Variants in PPP1R9A observed in about 807,000 individuals in gnomAD.
PPP1R9A encodes the protein protein phosphatase 1 regulatory subunit 9A, also known as neurabin-1.
Under a neutral mutation model 141.9 loss-of-function variants are expected in PPP1R9A, and 59 were observed. The ratio of observed to expected loss-of-function variants is 0.42; its 90% confidence interval spans 0.34 to 0.52. The LOEUF (loss-of-function observed/expected upper bound fraction) is 0.52. PPP1R9A is among the 20% of genes least tolerant of loss of function. The probability of loss-of-function intolerance (pLI) is 0.10; values close to 1 mark genes in which losing one functional copy is unlikely to be tolerated. For missense variants in PPP1R9A, 1,444 were observed against 1,611.9 expected (o/e 0.90, Z 1.78); for synonymous variants, 500 against 569.7 (o/e 0.88, Z 1.74).
At chr7:95,172,242 C>T (rs1832228913) in intron 5 of PPP1R9A, among the ~76,000 whole-genome samples, 1 of 151,554 alleles carries the variant, frequency 6.6e-6, no homozygotes, top group Non-Finnish European at 1.5e-5. Flanking sequence ...GTACCAGAGG[C>T]CATAGCTAAT....
chr7:95,203,524 C>G, intron 6 of PPP1R9A, 141 bp from the exon 7 acceptor site: 1 of 518,224 alleles, frequency 1.9e-6, no homozygotes, highest in Non-Finnish European at 3.3e-6. Flanking sequence ...CATTTTTTAC[C>G]AACATGCCGC....
At chr7:95,047,648 C>T (rs2151961218) in intron 2 of PPP1R9A, among the ~76,000 whole-genome samples, 1 of 152,238 alleles carries the variant, frequency 6.6e-6, no homozygotes, top group East Asian at 1.9e-4. Context: ...TTCTTGATTT[C>T]ACCAGATTAT....
intron 19 of PPP1R9A, among the ~76,000 whole-genome samples, chr7:95,288,967 C>G (rs1054644265): frequency 6.6e-6 from 1 of 152,126 alleles, no homozygotes; most frequent in African/African-American, 2.4e-5. Flanking sequence ...TTCCACCTGG[C>G]AACACATGGT....
chr7:95,145,511 G>A (rs1364608829), intron 4 of PPP1R9A, among the ~76,000 whole-genome samples: 4 of 152,164 alleles, frequency 2.6e-5, no homozygotes, highest in Non-Finnish European at 5.9e-5. Context: ...AAAAAAAGTA[G>A]CAAATATTGT....
intron 4 of PPP1R9A, among the ~76,000 whole-genome samples, chr7:95,133,513 TTATATATATATA>T (rs10570222): frequency 3.5e-4 from 46 of 132,674 alleles, no homozygotes; most frequent in Admixed American, 1.1e-3. Context: ...TGCAGTCGTA[TTATATATATATA>T]TATATATATA....
intron 2 of PPP1R9A, among the ~76,000 whole-genome samples, chr7:94,997,122 T>C (rs1444798795): frequency 6.6e-6 from 1 of 152,144 alleles, no homozygotes; most frequent in African/African-American, 2.4e-5. Context: ...TGTATGTTTT[T>C]GGTCTCTAAA....
chr7:94,930,276 G>A (rs1016809194), intron 2 of PPP1R9A, among the ~76,000 whole-genome samples: 3 of 152,160 alleles, frequency 2.0e-5, no homozygotes, highest in African/African-American at 4.8e-5. Context: ...GAGAAATAGC[G>A]CTTCAGAGAA....
rs1246887602 is a variant in PPP1R9A at position 95,169,605 on chromosome 7, T to A, written c.1754+7634T>A. 3.3e-5 allele frequency among the ~76,000 whole-genome samples: 5 copies of A among 152,026 alleles called. No homozygotes were observed. The South Asian group carries it at 1.0e-3, about 31-fold the overall frequency. On this transcript the variant is annotated intron_variant, in intron 5 of 19. Coordinates refer to ENST00000433360, the MANE Select transcript of PPP1R9A (RefSeq NM_001166160.2). ...ACTCCAGATACCCTGATTTGGTCAT[T>A]ATACAGTATAGCATGTAAGAAAATG...
At chr7:95,233,911 G>T (rs1009218837) in intron 8 of PPP1R9A, among the ~76,000 whole-genome samples, 9 of 152,084 alleles carry the variant, frequency 5.9e-5, no homozygotes, top group Non-Finnish European at 1.2e-4. Context: ...CACATAAACA[G>T]AATTAAAATT....
chr7:94,914,002 T>C lies in PPP1R9A; in HGVS notation c.1395+2494T>C, dbSNP rs551912041. 6.6e-5 allele frequency among the ~76,000 whole-genome samples: 10 copies of C among 152,306 alleles called. No individual in the cohort carries two copies. In the South Asian group the frequency reaches 2.1e-3, roughly 32 times the overall value. On this transcript the variant is annotated intron_variant, in intron 2 of 19. Transcript: ENST00000433360. ...CATATAGTGAAAGGGATTTGATAGA[T>C]TATTTGGAAAGGAATACATGCAACC...
rs748369962 is a variant in PPP1R9A at position 94,910,384 on chromosome 7, G to A, written c.271G>A (p.Gly91Ser). ...AAVIAKTRGK[G>S]GHSSPQRRMK... ...AGTCATTGCCAAAACAAGGGGGAAA[G>A]GTGGACATTCATCTCCTCAGAGAAG... The change falls in exon 2 of 20, where the codon GGT (glycine) becomes AGT (serine). Residue 91 changes from glycine (G) to serine (S), a missense_variant. By Grantham distance (56) the Gly-to-Ser change is moderately conservative. This residue lies in a region of PPP1R9A where 490 missense variants were observed against 521.1 expected (regional missense o/e 0.94). Transcript: ENST00000433360. The surrounding 1 kb of genome is among the most constrained non-coding windows in gnomAD (Gnocchi z 4.5). 1.2e-6 allele frequency: 2 copies of A among 1,614,102 alleles called. No individual in the cohort carries two copies. Among genetic ancestry groups the A allele is most frequent in the Non-Finnish European group, 1.7e-6 (2 of 1,180,034 alleles).
At chr7:94,970,610 A>G (rs568896486) in intron 2 of PPP1R9A, among the ~76,000 whole-genome samples, 104 of 140,586 alleles carry the variant, frequency 7.4e-4, no homozygotes, top group Non-Finnish European at 1.3e-3. Flanking sequence ...AGCTGTTCCT[A>G]TTTGACCATC....
intron 14 of PPP1R9A, among the ~76,000 whole-genome samples, chr7:95,271,191 C>T (rs1474367235): frequency 6.6e-6 from 1 of 152,148 alleles, no homozygotes; most frequent in Non-Finnish European, 1.5e-5. Context: ...AAAAGTGAGC[C>T]AGTAGGTTAA....
intron 2 of PPP1R9A, among the ~76,000 whole-genome samples, chr7:94,984,893 C>T (rs566294772): frequency 3.9e-5 from 6 of 152,060 alleles, no homozygotes; most frequent in Non-Finnish European, 8.8e-5. Context: ...TTTGTTTGCT[C>T]TTGCTTCTCT....
chr7:94,969,748 C>T lies in PPP1R9A; in HGVS notation c.1395+58240C>T, dbSNP rs151314323. Among the ~76,000 whole-genome samples the T allele has an allele frequency of 6.5e-3, 983 of 152,220 alleles. 13 individuals carry two copies. The highest frequency in any genetic ancestry group is 0.023 in the African/African-American group (938 of 41,538). ...AAGTCTGCTGAAGCTGCGCCCAGAG[C>T]CACCCTTTCCCCCAGGTGCTCTGTC... On this transcript the variant is annotated intron_variant, in intron 2 of 19. Transcript: ENST00000433360.
intron 5 of PPP1R9A, among the ~76,000 whole-genome samples, chr7:95,195,812 G>C (rs564031594): frequency 6.6e-6 from 1 of 152,148 alleles, no homozygotes; most frequent in Non-Finnish European, 1.5e-5. Context: ...GCACTTTGGG[G>C]GGCCAAAGTG....
In PPP1R9A at chr7:95,048,304, G is replaced by C. The variant is rs186965855; in HGVS notation, c.1396-62955G>C. 4.1e-4 allele frequency among the ~76,000 whole-genome samples: 63 copies of C among 152,068 alleles called. 1 individual carries two copies. The highest frequency in any genetic ancestry group is 1.5e-3 in the African/African-American group (61 of 41,492). ...ATTCAACAAAAAGTTACATAACAAA[G>C]TTTTAAGATAAACAGGATCAGATCA... On this transcript the variant is annotated intron_variant, in intron 2 of 19. Coordinates refer to ENST00000433360, the MANE Select transcript of PPP1R9A (RefSeq NM_001166160.2).
chr7:95,078,738 GA>G (rs1815277126), intron 2 of PPP1R9A, among the ~76,000 whole-genome samples: 1 of 151,518 alleles, frequency 6.6e-6, no homozygotes, highest in Non-Finnish European at 1.5e-5. Flanking sequence ...CAGTGATGGT[GA>G]GCATTTTTTC....
Position 94,972,689 on chromosome 7 carries a change from C to G in PPP1R9A, c.1395+61181C>G, listed in dbSNP as rs183366324. The stretch of plus-strand genomic sequence containing the variant: ...TCTGAGCAAGAAGAGAATGAATGGC[C>G]GATTAAGTAGATTTGCAGTAGGTGT... On this transcript the variant is annotated intron_variant, in intron 2 of 19. Transcript: ENST00000433360. Among the ~76,000 whole-genome samples the G allele has an allele frequency of 1.3e-3, 191 of 152,036 alleles. 1 individual carries two copies. The highest frequency in any genetic ancestry group is 2.8e-3 in the Admixed American group (43 of 15,262).
Sources: allele counts gnomAD v4.1 joint callset (sites outside exome capture counted in the v4.1 genomes callset), GRCh38; gene constraint gnomAD v4.1.1; regional missense constraint gnomAD v4.1.1; non-coding constraint Gnocchi (gnomAD v3.1); transcripts MANE v1.5; gene names NCBI Gene and HGNC (gene_info 2026-07-23, HGNC 2026-07-21).